AATF: variants seen among roughly 807,000 people sequenced by gnomAD.
AATF encodes the protein protein AATF.
Under a neutral mutation model 63.7 loss-of-function variants are expected in AATF, and 48 were observed. The observed-to-expected ratio is 0.75, with a 90% confidence interval of 0.60 to 0.96. The LOEUF is 0.96. Among genes scored for constraint, AATF ranks in the 40% least tolerant of loss-of-function variants. AATF has a pLI of 0.00. For missense variants in AATF, 639 were observed against 685.7 expected (o/e 0.93, Z 0.76); for synonymous variants, 258 against 247.7 (o/e 1.04, Z -0.39).
chr17:36,982,570 G>T (rs1346804690), intron 4 of AATF, among the ~76,000 whole-genome samples: 2 of 152,012 alleles, frequency 1.3e-5, no homozygotes, highest in South Asian at 2.1e-4. Flanking sequence ...AGCCATGATG[G>T]TCTCCATCTC....
intron 4 of AATF, among the ~76,000 whole-genome samples, chr17:36,956,462 C>A (rs1217059348): frequency 1.3e-5 from 2 of 152,066 alleles, no homozygotes; most frequent in Non-Finnish European, 2.9e-5. Flanking sequence ...CACCTGAGGT[C>A]AGAAGTTTGA....
intron 4 of AATF, among the ~76,000 whole-genome samples, chr17:36,984,901 G>GTTT (rs34905004): frequency 1.2e-4 from 15 of 130,056 alleles, no homozygotes; most frequent in Non-Finnish European, 1.5e-4. Flanking sequence ...GCCTCCCACA[G>GTTT]TTTTTTTTTT....
rs1360547068 is a variant in AATF, at chr17:37,044,769, T to TG, written c.1620-11831dup. Among the ~76,000 whole-genome samples, 4 of 152,224 alleles carry TG rather than the reference T, an allele frequency of 2.6e-5. No individual in the cohort carries two copies. The East Asian group carries it at 7.7e-4, about 29-fold the overall frequency. On this transcript the variant is annotated intron_variant, in intron 11 of 11. Coordinates refer to ENST00000619387, the MANE Select transcript of AATF (RefSeq NM_012138.4). The stretch of plus-strand genomic sequence containing the variant: ...ATGCCTAATCTGAAAATCTGAAATC[T>TG]GAAGTGCTCCAGTGAGCATTTTCTT...
chr17:36,977,325 A>G (rs562026935), intron 4 of AATF, among the ~76,000 whole-genome samples: 1 of 152,178 alleles, frequency 6.6e-6, no homozygotes, highest in East Asian at 1.9e-4. Flanking sequence ...CGATATGAAG[A>G]ATCCTGAGAG....
At chr17:36,954,038 C>A in intron 4 of AATF, 131 bp downstream of exon 4, 1 of 894,060 alleles carries the variant, frequency 1.1e-6, no homozygotes, top group Non-Finnish European at 1.7e-6. Flanking sequence ...GCTCTCCCCT[C>A]CCCATCCCCC....
chr17:37,031,499 T>C, intron 10 of AATF, 115 bp from the exon 11 acceptor site: 1 of 880,484 alleles, frequency 1.1e-6, no homozygotes, highest in Non-Finnish European at 1.9e-6. Context: ...CTATCCCACT[T>C]TGTACCCAGA....
intron 4 of AATF, 44 bp from the exon 5 acceptor site, chr17:36,986,573 A>G: frequency 6.5e-7 from 1 of 1,528,684 alleles, no homozygotes; most frequent in Non-Finnish European, 9.1e-7. Context: ...ACTTTGGAGA[A>G]TTGTAGATAA....
At chr17:37,011,109 G>T (rs563148714) in intron 8 of AATF, among the ~76,000 whole-genome samples, 29 of 152,300 alleles carry the variant, frequency 1.9e-4, no homozygotes, top group African/African-American at 6.7e-4. Flanking sequence ...TGTGGCTTAC[G>T]CCTGTAATCC....
chr17:37,035,621 C>A (rs2071586101), intron 11 of AATF, among the ~76,000 whole-genome samples: 1 of 150,240 alleles, frequency 6.7e-6, no homozygotes, highest in South Asian at 2.1e-4. Context: ...TCACTGCAAT[C>A]TCCACCTCCT....
At chr17:36,958,627 C>T (rs2070921387) in intron 4 of AATF, among the ~76,000 whole-genome samples, 1 of 152,184 alleles carries the variant, frequency 6.6e-6, no homozygotes, top group South Asian at 2.1e-4. Flanking sequence ...AGAGAAATAG[C>T]ACAGTGAACC....
At chr17:37,052,324 C>T (rs890904132) in intron 11 of AATF, 2 of 152,126 alleles carry the variant, frequency 1.3e-5, no homozygotes, top group African/African-American at 2.4e-5. Flanking sequence ...TGGCTAAATC[C>T]CAGTTAGGAA....
In AATF at chr17:37,054,176, G is replaced by A. The variant is rs528155243; in HGVS notation, c.1620-2425G>A. ...AACCGCTGGAATCTACAGTGGGGGT[G>A]GCTGGTGGGGGGCGTGTGGGGCGGG... On this transcript the variant is annotated intron_variant, in intron 11 of 11. Transcript: ENST00000619387. Among the ~76,000 whole-genome samples the A allele has an allele frequency of 1.9e-3, 291 of 152,086 alleles. 3 individuals carry two copies. The highest frequency in any genetic ancestry group is 6.6e-3 in the African/African-American group (275 of 41,486).
chr17:36,994,660 A>T (rs1449669961), intron 8 of AATF, among the ~76,000 whole-genome samples: 1 of 152,256 alleles, frequency 6.6e-6, no homozygotes, highest in Non-Finnish European at 1.5e-5. Context: ...AGCCATTCAG[A>T]AATATTTTCA....
At chr17:37,051,755 G>A (rs1464296126) in intron 11 of AATF, among the ~76,000 whole-genome samples, 1 of 151,030 alleles carries the variant, frequency 6.6e-6, no homozygotes, top group Non-Finnish European at 1.5e-5. Flanking sequence ...ATGGAAAATG[G>A]CGGCTAATCC....
At chr17:36,960,346 A>C (rs1213044659) in intron 4 of AATF, among the ~76,000 whole-genome samples, 1 of 152,216 alleles carries the variant, frequency 6.6e-6, no homozygotes, top group Non-Finnish European at 1.5e-5. Flanking sequence ...TGTCCTCAGC[A>C]ATAATAGATA....
intron 4 of AATF, among the ~76,000 whole-genome samples, chr17:36,978,294 C>A (rs909604475): frequency 2.0e-5 from 3 of 152,102 alleles, no homozygotes; most frequent in Non-Finnish European, 2.9e-5. Context: ...TCCACTGAAT[C>A]CTCTTTCTTA....
intron 8 of AATF, chr17:36,998,714 CCT>C (rs1490148711): frequency 6.6e-6 from 1 of 151,920 alleles, no homozygotes; most frequent in Non-Finnish European, 1.5e-5. Context: ...ATAGTGAGAC[CCT>C]GTCTCTAAGA....
chr17:36,986,320 G>T (rs917599446), intron 4 of AATF, among the ~76,000 whole-genome samples: 5 of 152,208 alleles, frequency 3.3e-5, no homozygotes, highest in African/African-American at 1.2e-4. Flanking sequence ...GGAGGAGTTT[G>T]TCAAGCTTAA....
chr17:36,997,318 C>G (rs544930844), intron 8 of AATF, among the ~76,000 whole-genome samples: 1 of 152,184 alleles, frequency 6.6e-6, no homozygotes, highest in South Asian at 2.1e-4. Context: ...GTGAGAAAAT[C>G]TTCACACTCT....
Sources: gnomAD v4.1 joint callset for allele counts (sites outside exome capture counted in the v4.1 genomes callset) on GRCh38, gnomAD v4.1.1 for gene constraint, MANE v1.5 for transcripts, NCBI Gene and HGNC (gene_info 2026-07-23, HGNC 2026-07-21) for gene names.